Variants in GJA3 observed in about 807,000 individuals in gnomAD.
The protein encoded by GJA3 is gap junction protein alpha 3.
For missense variants in GJA3, 571 were observed against 620.3 expected (o/e 0.92, Z 0.84); for synonymous variants, 297 against 292.6 (o/e 1.02, Z -0.15).
rs1958820450 is a variant in GJA3 at position 20,142,913 on chromosome 13, G to C, written c.376C>G (p.Pro126Ala). The stretch of plus-strand genomic sequence containing the variant: ...TCCCGCGACGAGGGATTGTCCTGCG[G>C]TGGCTCCTTGGGGCTGGGGCTCTCT... ...KRESPSPKEP[P>A]QDNPSSRDDR... Residue 126 changes from proline to alanine, a missense_variant, in exon 2 of 2, where the codon CCG becomes GCG. Coordinates refer to ENST00000241125, the MANE Select transcript of GJA3 (RefSeq NM_021954.4). 1 of 1,584,700 alleles carries C rather than the reference G, an allele frequency of 6.3e-7. No individual in the cohort carries two copies.
chr13:20,141,807 A>C lies in GJA3; in HGVS notation c.*174T>G. ...CACTGTAACTCACAGTGCTAAGAAC[A>C]GCAAGCATTGAACACGGAAACCTGA... On this transcript the variant is annotated 3_prime_UTR_variant, in exon 2 of 2. Coordinates refer to ENST00000241125, the MANE Select transcript of GJA3 (RefSeq NM_021954.4). The C allele has an allele frequency of 1.1e-6, 1 of 951,514 alleles. No individual in the cohort carries two copies. The highest frequency in any genetic ancestry group is 1.5e-6 in the Non-Finnish European group (1 of 646,828). The allele number at this position is 951,514 out of a possible 1,614,324, so 58.9% of individuals were successfully genotyped here. A position where few individuals can be genotyped will look rare whatever the true frequency, so the allele number is the denominator to read the frequency against.
chr13:20,144,871 T>C (rs1593335040), intron 1 of GJA3, among the ~76,000 whole-genome samples: 2 of 152,198 alleles, frequency 1.3e-5, no homozygotes, highest in Admixed American at 6.5e-5. Context: ...AAGAAAACAC[T>C]TGTCATTTTC....
intron 1 of GJA3, among the ~76,000 whole-genome samples, chr13:20,150,010 T>C (rs1958867290): frequency 6.6e-6 from 1 of 151,464 alleles, no homozygotes; most frequent in Non-Finnish European, 1.5e-5. Context: ...GGCAGACGAA[T>C]GGAAAAAAGA....
chr13:20,142,258 G>A lies in GJA3; in HGVS notation c.1031C>T (p.Pro344Leu), dbSNP rs1267387457. 7 of 1,552,688 alleles carry A rather than the reference G, an allele frequency of 4.5e-6. No homozygotes were observed. Among genetic ancestry groups the A allele is most frequent in the Non-Finnish European group, 3.5e-6 (4 of 1,153,140 alleles). Residue 344 changes from proline to leucine, a missense_variant, in exon 2 of 2, where the codon CCG becomes CTG. Coordinates refer to ENST00000241125, the MANE Select transcript of GJA3 (RefSeq NM_021954.4). ...GGGGGCTGCAGGCGTGGACGCTGCCGGGTAAGCCTTGAGCGCCGGGGGCTG... is the reference window on the plus strand; with the variant it reads ...GGGGGCTGCAGGCGTGGACGCTGCCAGGTAAGCCTTGAGCGCCGGGGGCTG... ...ERQPPALKAY[P>L]AASTPAAPSP...
At chr13:20,148,196 T>C (rs553561573) in intron 1 of GJA3, among the ~76,000 whole-genome samples, 2 of 152,012 alleles carry the variant, frequency 1.3e-5, no homozygotes, top group East Asian at 1.9e-4. Context: ...CGTCAGACTT[T>C]AGTTGGCTCT....
In GJA3 at chr13:20,142,017, G is replaced by C; in HGVS notation, c.1272C>G (p.Ser424Arg). 1.3e-6 allele frequency: 2 copies of C among 1,550,410 alleles called. No individual in the cohort carries two copies. Among genetic ancestry groups the C allele is most frequent in the Non-Finnish European group, 1.7e-6 (2 of 1,146,872 alleles). The change falls in exon 2 of 2, where the codon AGC becomes AGG. Residue 424 changes from serine (S) to arginine (R), a missense_variant. Ser to Arg is a moderately radical substitution (Grantham distance 110). Transcript: ENST00000241125. ...PGRASKASRA[S>R]SGRARPEDLA... ...AGTCCTCCGGTCTGGCCCGCCCGCT[G>C]CTGGCCCTGCTGGCCTTGCTGGCCC...
At chr13:20,151,551 G>A (rs1445446002) in intron 1 of GJA3, among the ~76,000 whole-genome samples, 3 of 152,152 alleles carry the variant, frequency 2.0e-5, no homozygotes, top group African/African-American at 4.8e-5. Context: ...GGAAAGCCGC[G>A]GAGGAGCATC....
At chr13:20,155,346 G>C (rs187130274) in intron 1 of GJA3, among the ~76,000 whole-genome samples, 1 of 152,218 alleles carries the variant, frequency 6.6e-6, no homozygotes. Context: ...CTATAGAAGA[G>C]TTTGGGACTA....
chr13:20,149,903 G>T (rs938329849), intron 1 of GJA3, among the ~76,000 whole-genome samples: 44 of 152,182 alleles, frequency 2.9e-4, no homozygotes, highest in Non-Finnish European at 3.7e-4. Flanking sequence ...TGCTGAGAGG[G>T]AGCAACAGGC....
chr13:20,145,504 T>C (rs1199117850), intron 1 of GJA3, among the ~76,000 whole-genome samples: 3 of 152,134 alleles, frequency 2.0e-5, no homozygotes, highest in African/African-American at 7.2e-5. Flanking sequence ...CAATTTGGGG[T>C]CACTTCCTGC....
chr13:20,144,574 A>G (rs1384403651), intron 1 of GJA3, among the ~76,000 whole-genome samples: 2 of 152,170 alleles, frequency 1.3e-5, no homozygotes, highest in Non-Finnish European at 2.9e-5. Context: ...GCCCACCCCC[A>G]GGCCCAATTC....
Position 20,142,831 on chromosome 13 carries a change from A to T in GJA3, c.458T>A (p.Ile153Asn), listed in dbSNP as rs1958819504. Residue 153 changes from isoleucine (I) to asparagine (N), a missense_variant, in exon 2 of 2, where the codon ATC becomes AAC. By Grantham distance (149) the Ile-to-Asn change is moderately radical. Transcript: ENST00000241125. ...CACCTCGAACAGCGTCTTGAAGATG[A>T]TGTTGAAGACGTAGGTCCGCAGCAG... ...GALLRTYVFNIIFKTLFEVGF... is the reference protein window; with the variant it reads ...GALLRTYVFNNIFKTLFEVGF... 6.2e-7 allele frequency: 1 copy of T among 1,613,326 alleles called. No individual in the cohort carries two copies. Among genetic ancestry groups the T allele is most frequent in the Non-Finnish European group, 8.5e-7 (1 of 1,179,770 alleles).
At chr13:20,160,658 A>G (rs1958931653) in intron 1 of GJA3, among the ~76,000 whole-genome samples, 1 of 152,254 alleles carries the variant, frequency 6.6e-6, no homozygotes, top group South Asian at 2.1e-4. Context: ...AAGATCAATT[A>G]TTCCAAAAGT....
chr13:20,157,309 G>A (rs73154194), intron 1 of GJA3, among the ~76,000 whole-genome samples: 22,925 of 152,112 alleles, frequency 0.15, 2,227 homozygotes, highest in African/African-American at 0.27. Context: ...CATGATGTCT[G>A]AACAGATGAC....
chr13:20,144,310 C>T lies in GJA3; in HGVS notation c.-17-1005G>A, dbSNP rs569586628. On this transcript the variant is annotated intron_variant, in intron 1 of 1. Transcript: ENST00000241125. ...TTGAGGATCCTGTGAGGACCAGGGG[C>T]CAGCTCAGCAGAGCCGGGCCTTCAG... is the stretch of plus-strand genomic sequence containing the variant. 2.6e-5 allele frequency among the ~76,000 whole-genome samples: 4 copies of T among 152,310 alleles called. No homozygotes were observed. The South Asian group carries it at 8.3e-4, about 32-fold the overall frequency.
At chr13:20,150,437 C>T (rs1051631022) in intron 1 of GJA3, among the ~76,000 whole-genome samples, 3 of 151,764 alleles carry the variant, frequency 2.0e-5, no homozygotes, top group Admixed American at 6.6e-5. Context: ...AAGACTGGGC[C>T]GGGAGGACCG....
At chr13:20,146,277 C>A (rs1040421457) in intron 1 of GJA3, among the ~76,000 whole-genome samples, 5 of 152,212 alleles carry the variant, frequency 3.3e-5, no homozygotes, top group African/African-American at 1.2e-4. Context: ...TGGCGTTTCC[C>A]TGTGGGGCCA....
chr13:20,142,328 G>A lies in GJA3; in HGVS notation c.961C>T (p.Leu321=). ...GCCCAGTTCTGCTCAGTCATCAGCA[G>A]GTGGTGGTGGCCGTTGTAGAGCTTG... ...SAKLYNGHHH[L]LMTEQNWANQ... The change falls in exon 2 of 2, where the codon CTG becomes TTG. Residue 321 remains leucine, a synonymous_variant. Transcript: ENST00000241125. 1 of 1,570,668 alleles carries A rather than the reference G, an allele frequency of 6.4e-7. No homozygotes were observed. Among genetic ancestry groups the A allele is most frequent in the Non-Finnish European group, 8.6e-7 (1 of 1,158,748 alleles).
chr13:20,153,145 C>A (rs141255095), intron 1 of GJA3, among the ~76,000 whole-genome samples: 3 of 152,156 alleles, frequency 2.0e-5, no homozygotes, highest in African/African-American at 7.2e-5. Flanking sequence ...TCGTCCCACC[C>A]TTTTCATAGT....
Sources: gnomAD v4.1 joint callset for allele counts (sites outside exome capture counted in the v4.1 genomes callset) on GRCh38, gnomAD v4.1.1 for gene constraint, MANE v1.5 for transcripts, NCBI Gene and HGNC (gene_info 2026-07-23, HGNC 2026-07-21) for gene names.